CCDC85A: variants seen among roughly 807,000 people sequenced by gnomAD.
The protein encoded by CCDC85A is coiled-coil domain containing 85A.
CCDC85A carries 38 observed loss-of-function variants against 50.2 expected under a neutral mutation model. That is an observed-to-expected ratio of 0.76 (90% confidence interval 0.58 to 0.99). The LOEUF is 0.99. Ranked by LOEUF, CCDC85A falls within the 50% of genes least tolerant of loss-of-function variation. CCDC85A has a pLI of 0.00. For missense variants in CCDC85A, 820 were observed against 742.0 expected (o/e 1.11, Z -1.22); for synonymous variants, 366 against 301.4 (o/e 1.21, Z -2.22).
chr2:56,330,873 T>C (rs1673755333), intron 2 of CCDC85A, among the ~76,000 whole-genome samples: 1 of 152,180 alleles, frequency 6.6e-6, no homozygotes, highest in Non-Finnish European at 1.5e-5. Context: ...CACTACTTGG[T>C]ATCTCCCCAA....
chr2:56,194,523 C>A (rs1410683931), intron 2 of CCDC85A, among the ~76,000 whole-genome samples: 2 of 152,282 alleles, frequency 1.3e-5, no homozygotes, highest in East Asian at 3.9e-4. Context: ...CAGCTCCAAG[C>A]AGTAGTGGAG....
intron 2 of CCDC85A, among the ~76,000 whole-genome samples, chr2:56,313,563 T>G (rs560511651): frequency 6.6e-6 from 1 of 152,274 alleles, no homozygotes; most frequent in South Asian, 2.1e-4. Context: ...CAGCAGACCA[T>G]GGTGCAACAA....
chr2:56,383,307 A>G (rs567774631), intron 5 of CCDC85A, among the ~76,000 whole-genome samples: 118 of 152,062 alleles, frequency 7.8e-4, no homozygotes, highest in African/African-American at 2.7e-3. Flanking sequence ...TTCACGTCAG[A>G]GTGTTGTAAA....
intron 2 of CCDC85A, among the ~76,000 whole-genome samples, chr2:56,267,695 C>A (rs1005136673): frequency 6.6e-5 from 10 of 152,102 alleles, no homozygotes; most frequent in African/African-American, 2.4e-5. Flanking sequence ...CAGAGGAGTG[C>A]CAAATAGACC....
chr2:56,207,407 G>C (rs1364055190), intron 2 of CCDC85A, among the ~76,000 whole-genome samples: 1 of 152,082 alleles, frequency 6.6e-6, no homozygotes, highest in Non-Finnish European at 1.5e-5. Context: ...GCTCTTAATT[G>C]AACAAAGCTG....
intron 2 of CCDC85A, among the ~76,000 whole-genome samples, chr2:56,233,609 TA>T (rs537640872): frequency 8.6e-5 from 13 of 151,820 alleles, no homozygotes; most frequent in East Asian, 7.7e-4. Flanking sequence ...CATAAAATAC[TA>T]AAAAAAAATT....
intron 2 of CCDC85A, among the ~76,000 whole-genome samples, chr2:56,300,446 C>T (rs1376521276): frequency 6.6e-6 from 1 of 152,188 alleles, no homozygotes; most frequent in African/African-American, 2.4e-5. Context: ...TGACAATCCT[C>T]TCTCCACTTC....
intron 2 of CCDC85A, among the ~76,000 whole-genome samples, chr2:56,267,332 T>C (rs1443069440): frequency 6.6e-6 from 1 of 151,860 alleles, no homozygotes; most frequent in Non-Finnish European, 1.5e-5. Flanking sequence ...TCTGATCCTT[T>C]TTTTTCCCAA....
chr2:56,248,232 T>TGATAGA (rs1669596428), intron 2 of CCDC85A, among the ~76,000 whole-genome samples: 1 of 152,254 alleles, frequency 6.6e-6, no homozygotes, highest in African/African-American at 2.4e-5. Flanking sequence ...TCAGGAAGGA[T>TGATAGA]GATAGATTTA....
At chr2:56,337,503 T>G (rs2104308428) in intron 2 of CCDC85A, among the ~76,000 whole-genome samples, 1 of 152,322 alleles carries the variant, frequency 6.6e-6, no homozygotes, top group Middle Eastern at 3.4e-3. Flanking sequence ...TGTCCCTTTC[T>G]TTTCCGTCAT....
intron 2 of CCDC85A, among the ~76,000 whole-genome samples, chr2:56,337,985 A>G (rs1434723359): frequency 6.6e-6 from 1 of 151,886 alleles, no homozygotes; most frequent in African/African-American, 2.4e-5. Flanking sequence ...GGGTTTCACC[A>G]TGTTGGCCAG....
chr2:56,353,803 AT>A (rs1675087519), intron 3 of CCDC85A, among the ~76,000 whole-genome samples: 1 of 152,190 alleles, frequency 6.6e-6, no homozygotes, highest in African/African-American at 2.4e-5. Context: ...GAACAGTCTT[AT>A]TATTTGGGGG....
chr2:56,349,226 A>T (rs1674780118), intron 3 of CCDC85A, among the ~76,000 whole-genome samples: 1 of 152,202 alleles, frequency 6.6e-6, no homozygotes, highest in African/African-American at 2.4e-5. Flanking sequence ...TACTTGGGAA[A>T]AAATGGACTC....
At chr2:56,234,852 T>C (rs1486320620) in intron 2 of CCDC85A, among the ~76,000 whole-genome samples, 1 of 152,202 alleles carries the variant, frequency 6.6e-6, no homozygotes, top group African/African-American at 2.4e-5. Flanking sequence ...AATTATTTGT[T>C]GAATAATAAT....
intron 2 of CCDC85A, among the ~76,000 whole-genome samples, chr2:56,316,309 T>A (rs1029791062): frequency 6.6e-5 from 10 of 152,122 alleles, no homozygotes; most frequent in Non-Finnish European, 1.0e-4. Flanking sequence ...TGCATATTAG[T>A]GGAAAACTGA....
rs1421533877 is a variant in CCDC85A at position 56,184,536 on chromosome 2, G to T, written c.-89G>T. ...CGCTGACTCGCCGGAGCGCACAGGG[G>T]TGTGGGCGGAGGCGGCCTCGCCGCG... is the stretch of plus-strand genomic sequence containing the variant. On this transcript the variant is annotated 5_prime_UTR_variant, in exon 1 of 6. Coordinates refer to ENST00000407595, the MANE Select transcript of CCDC85A (RefSeq NM_001080433.2). 2 of 1,321,214 alleles carry T rather than the reference G, an allele frequency of 1.5e-6. No homozygotes were observed. Among genetic ancestry groups the T allele is most frequent in the Non-Finnish European group, 1.9e-6 (2 of 1,033,266 alleles). 81.8% of individuals were successfully genotyped at this position (1,321,214 alleles called of 1,614,324 possible). A position where few individuals can be genotyped will look rare whatever the true frequency, so the allele number is the denominator to read the frequency against.
At chr2:56,319,351 G>A (rs1298329872) in intron 2 of CCDC85A, among the ~76,000 whole-genome samples, 4 of 151,990 alleles carry the variant, frequency 2.6e-5, no homozygotes, top group African/African-American at 4.8e-5. Context: ...TCACATCAAT[G>A]CTTGTAACTG....
chr2:56,235,791 A>C (rs900700498), intron 2 of CCDC85A, among the ~76,000 whole-genome samples: 16 of 152,212 alleles, frequency 1.1e-4, no homozygotes, highest in African/African-American at 3.9e-4. Flanking sequence ...ATGTGGGTGG[A>C]GAGTTAATAA....
intron 2 of CCDC85A, among the ~76,000 whole-genome samples, chr2:56,306,162 T>C (rs1672435169): frequency 6.6e-6 from 1 of 152,076 alleles, no homozygotes. Context: ...GGAGTCTCAC[T>C]CTTGTCGCCC....
Sources: gnomAD v4.1 joint callset for allele counts (sites outside exome capture counted in the v4.1 genomes callset) on GRCh38, gnomAD v4.1.1 for gene constraint, MANE v1.5 for transcripts, NCBI Gene and HGNC (gene_info 2026-07-23, HGNC 2026-07-21) for gene names.